The following CNOT2 variants were observed in gnomAD, a reference collection of about 807,000 sequenced individuals.
CNOT2 encodes CC chemokine receptor 4-negative regulator of transcription 2.
A neutral mutation model predicts 72.1 loss-of-function variants in CNOT2; 7 were observed. The ratio of observed to expected loss-of-function variants is 0.10; its 90% CI spans 0.06 to 0.18. The LOEUF is 0.18. Among genes scored for constraint, CNOT2 ranks in the 10% least tolerant of loss-of-function variants. The probability of loss-of-function intolerance (pLI) is 1.00; values close to 1 mark genes in which losing one functional copy is unlikely to be tolerated. For missense variants in CNOT2, 345 were observed against 660.3 expected (o/e 0.52, Z 5.23); for synonymous variants, 196 against 225.6 (o/e 0.87, Z 1.17).
At chr12:70,301,121 C>T (rs1678433331) in intron 2 of CNOT2, among the ~76,000 whole-genome samples, 1 of 152,128 alleles carries the variant, frequency 6.6e-6, no homozygotes, top group South Asian at 2.1e-4. Flanking sequence ...AGATTTTGGG[C>T]TGAGATGCTG....
intron 2 of CNOT2, among the ~76,000 whole-genome samples, chr12:70,288,200 A>G (rs974680274): frequency 8.0e-5 from 10 of 124,638 alleles, no homozygotes; most frequent in South Asian, 5.5e-4. Context: ...CTGGAGTGCA[A>G]TGGTACGATC....
intron 2 of CNOT2, among the ~76,000 whole-genome samples, chr12:70,286,922 C>T (rs1440130690): frequency 2.0e-5 from 3 of 151,420 alleles, no homozygotes; most frequent in African/African-American, 7.3e-5. Context: ...ACTTTTGTTG[C>T]TTTTCTTGGT....
chr12:70,300,475 C>A (rs1358512873), intron 2 of CNOT2, among the ~76,000 whole-genome samples: 1 of 152,068 alleles, frequency 6.6e-6, no homozygotes, highest in Non-Finnish European at 1.5e-5. Flanking sequence ...ATTAAATAGG[C>A]AATCCTTTCC....
At chr12:70,287,700 C>T (rs1871148449) in intron 2 of CNOT2, among the ~76,000 whole-genome samples, 1 of 149,834 alleles carries the variant, frequency 6.7e-6, no homozygotes, top group African/African-American at 2.4e-5. Context: ...TATCTTATTT[C>T]TTTAATTATT....
At chr12:70,339,080 A>ATG in intron 11 of CNOT2, among the ~76,000 whole-genome samples, 1 of 122,624 alleles carries the variant, frequency 8.2e-6, no homozygotes, top group East Asian at 4.0e-4. Context: ...GTGTGTGTAT[A>ATG]TATATATATA....
intron 2 of CNOT2, among the ~76,000 whole-genome samples, chr12:70,300,065 T>G (rs547896955): frequency 6.6e-6 from 1 of 152,300 alleles, no homozygotes; most frequent in Admixed American, 6.5e-5. Context: ...CACTTTTTGA[T>G]GGGGTTGTTT....
At chr12:70,306,438 T>C (rs948073429) in intron 2 of CNOT2, among the ~76,000 whole-genome samples, 3 of 152,236 alleles carry the variant, frequency 2.0e-5, no homozygotes, top group African/African-American at 7.2e-5. Context: ...ATTGTAGGCA[T>C]GAGCCACCAT....
At chr12:70,305,351 C>T (rs1051788264) in intron 2 of CNOT2, among the ~76,000 whole-genome samples, 5 of 152,166 alleles carry the variant, frequency 3.3e-5, no homozygotes, top group Non-Finnish European at 5.9e-5. Context: ...GAGAACAGCA[C>T]AGGAAATACC....
chr12:70,335,161 T>TG (rs1593261492), intron 7 of CNOT2: 1 of 224,866 alleles, frequency 4.4e-6, no homozygotes, highest in African/African-American at 2.3e-5. Flanking sequence ...CCATCTTCCA[T>TG]GGGGGAAATA....
chr12:70,350,813 A>G (rs909984002), intron 15 of CNOT2, among the ~76,000 whole-genome samples: 1 of 152,194 alleles, frequency 6.6e-6, no homozygotes, highest in Admixed American at 6.5e-5. Context: ...AATAAGCAAA[A>G]TCTCAGATAA....
intron 3 of CNOT2, among the ~76,000 whole-genome samples, chr12:70,317,376 ATATT>A (rs1489088805): frequency 2.6e-5 from 4 of 152,068 alleles, no homozygotes; most frequent in African/African-American, 9.7e-5. Flanking sequence ...GCTTTATTAT[ATATT>A]CTTGTTCTTG....
In CNOT2 at chr12:70,319,294, C is replaced by T. The variant is rs762912890; in HGVS notation, c.172-4C>T. ...ATGCTCTAATATAATTAATTTGTTTCTAGATGCTGGCATCACCATCTACAT... is the reference window on the plus strand; with the variant it reads ...ATGCTCTAATATAATTAATTTGTTTTTAGATGCTGGCATCACCATCTACAT... On this transcript the variant is annotated splice_region_variant and splice_polypyrimidine_tract_variant and intron_variant, in intron 3 of 15. Transcript: ENST00000229195. 1 of 1,608,226 alleles carries T rather than the reference C, an allele frequency of 6.2e-7. No individual in the cohort carries two copies. The highest frequency in any genetic ancestry group is 8.5e-7 in the Non-Finnish European group (1 of 1,176,088).
At chr12:70,306,012 G>A (rs2135939436) in intron 2 of CNOT2, among the ~76,000 whole-genome samples, 1 of 151,692 alleles carries the variant, frequency 6.6e-6, no homozygotes, top group Admixed American at 6.6e-5. Flanking sequence ...AATGAAGGAG[G>A]AATATACTGG....
At chr12:70,290,085 GTTAA>G (rs906720642) in intron 2 of CNOT2, among the ~76,000 whole-genome samples, 38 of 151,672 alleles carry the variant, frequency 2.5e-4, no homozygotes, top group African/African-American at 8.9e-4. Flanking sequence ...AATCTTTAGG[GTTAA>G]TTTTCTTCCA....
chr12:70,319,924 G>A (rs767487571), intron 4 of CNOT2, among the ~76,000 whole-genome samples: 19 of 151,658 alleles, frequency 1.3e-4, no homozygotes, highest in Non-Finnish European at 2.2e-4. Flanking sequence ...TTTTTTTAAA[G>A]TGTTGTAATA....
At chr12:70,324,265 A>G (rs543782363) in intron 4 of CNOT2, 29 of 151,916 alleles carry the variant, frequency 1.9e-4, no homozygotes, top group African/African-American at 7.0e-4. Flanking sequence ...TTATGTATTT[A>G]TTGGGTGCCT....
Position 70,295,535 on chromosome 12 carries a change from C to T in CNOT2, c.49-15360C>T, listed in dbSNP as rs186074331. Among the ~76,000 whole-genome samples the T allele has an allele frequency of 2.6e-5, 4 of 152,108 alleles. No homozygotes were observed. The East Asian group carries it at 7.7e-4, about 29-fold the overall frequency. ...TAAAATATTCTCATTAGAAGATTTT[C>T]CTTCTGTATGCATAGAGGATTTGTT... On this transcript the variant is annotated intron_variant, in intron 2 of 15. Coordinates refer to ENST00000229195, the MANE Select transcript of CNOT2 (RefSeq NM_014515.7).
intron 2 of CNOT2, among the ~76,000 whole-genome samples, chr12:70,289,293 T>C (rs1184169240): frequency 6.6e-6 from 1 of 152,162 alleles, no homozygotes; most frequent in Admixed American, 6.5e-5. Context: ...TGTCTTCTTA[T>C]TTCCTATGAA....
intron 4 of CNOT2, among the ~76,000 whole-genome samples, chr12:70,320,749 C>T (rs1878160385): frequency 6.6e-6 from 1 of 151,668 alleles, no homozygotes; most frequent in African/African-American, 2.4e-5. Context: ...TGGAAGACCA[C>T]CGTTTATCAC....
Sources: gnomAD v4.1 joint callset for allele counts (sites outside exome capture counted in the v4.1 genomes callset) on GRCh38, gnomAD v4.1.1 for gene constraint, MANE v1.5 for transcripts, NCBI Gene and HGNC (gene_info 2026-07-23, HGNC 2026-07-21) for gene names.